KCNC2: variants seen among roughly 807,000 people sequenced by gnomAD.
The protein encoded by KCNC2 is potassium voltage-gated channel subfamily C member 2.
Under a neutral mutation model 44.5 loss-of-function variants are expected in KCNC2, and 21 were observed. That is an observed-to-expected ratio of 0.47 (90% CI 0.33 to 0.68). The LOEUF is 0.68. Among genes scored for constraint, KCNC2 ranks in the 30% least tolerant of loss-of-function variants. The probability of loss-of-function intolerance (pLI) is 0.01; values close to 1 mark genes in which losing one functional copy is unlikely to be tolerated. For synonymous variants in KCNC2, 391 were observed against 339.1 expected, an observed-to-expected ratio of 1.15 and a Z score of -1.68; for missense variants, 589 against 826.2, an observed-to-expected ratio of 0.71 and a Z score of 3.52.
At chr12:75,067,930 C>T (rs1402817677) in intron 2 of KCNC2, among the ~76,000 whole-genome samples, 1 of 151,852 alleles carries the variant, frequency 6.6e-6, no homozygotes, top group Non-Finnish European at 1.5e-5. Context: ...GTAGAAGTCC[C>T]CTTATAAAAC....
chr12:75,187,217 G>A (rs1893013977), intron 2 of KCNC2, among the ~76,000 whole-genome samples: 1 of 152,134 alleles, frequency 6.6e-6, no homozygotes, highest in Non-Finnish European at 1.5e-5. Flanking sequence ...TACAAGTGGA[G>A]GTAGTGTGTG....
intron 2 of KCNC2, among the ~76,000 whole-genome samples, chr12:75,058,758 T>G (rs6582272): frequency 0.88 from 134,200 of 151,912 alleles, 59,432 homozygotes; most frequent in Admixed American, 0.91. Context: ...CTTGCTGTCC[T>G]TATTCTCCTT....
intron 2 of KCNC2, among the ~76,000 whole-genome samples, chr12:75,109,165 G>A (rs1887025035): frequency 6.6e-6 from 1 of 152,122 alleles, no homozygotes; most frequent in Non-Finnish European, 1.5e-5. Context: ...GATACTGCTT[G>A]TTACATAGGA....
At chr12:75,165,281 T>C in intron 2 of KCNC2, among the ~76,000 whole-genome samples, 1 of 151,712 alleles carries the variant, frequency 6.6e-6, no homozygotes, top group Middle Eastern at 3.4e-3. Context: ...AATTAGATAT[T>C]GTAAACAGAC....
intron 2 of KCNC2, among the ~76,000 whole-genome samples, chr12:75,169,182 A>T (rs1891650659): frequency 6.6e-6 from 1 of 151,560 alleles, no homozygotes; most frequent in African/African-American, 2.4e-5. Flanking sequence ...GCTAGTTGAG[A>T]TTGCCTTTGT....
At chr12:75,182,293 G>C (rs546299454) in intron 2 of KCNC2, among the ~76,000 whole-genome samples, 2 of 151,728 alleles carry the variant, frequency 1.3e-5, no homozygotes, top group African/African-American at 2.4e-5. Context: ...GGGAGGCCGA[G>C]GGGGGCAGAT....
Position 75,051,083 on chromosome 12 carries a change from G to A in KCNC2, c.922C>T (p.Leu308Phe), listed in dbSNP as rs1881115106. The A allele has an allele frequency of 6.2e-7, 1 of 1,613,502 alleles. No homozygotes were observed. The highest frequency in any genetic ancestry group is 1.3e-5 in the African/African-American group (1 of 74,876). ...TTCAAGAGATTTTTGATGAATTCAA[G>A]TTTATTGGGTGAAAAAACAATACGG... ...LVRIVFSPNKLEFIKNLLNII... is the reference protein window; with the variant it reads ...LVRIVFSPNKFEFIKNLLNII... The change falls in exon 3 of 5, where the codon CTT (leucine) becomes TTT (phenylalanine). Residue 308 changes from leucine (L) to phenylalanine (F), a missense_variant. Physicochemically the swap from Leu to Phe is conservative, Grantham distance 22 (BLOSUM62 0). Around this residue, in one of 7 missense-constraint regions of KCNC2, gnomAD observed 67 missense variants for 237.4 expected, o/e 0.28. Transcript: ENST00000549446.
chr12:75,087,668 C>A (rs1242825894), intron 2 of KCNC2, among the ~76,000 whole-genome samples: 1 of 151,980 alleles, frequency 6.6e-6, no homozygotes, highest in South Asian at 2.1e-4. Flanking sequence ...GCCTACACTG[C>A]TAGTTAATTT....
At chr12:75,191,042 C>T (rs1267846150) in intron 2 of KCNC2, among the ~76,000 whole-genome samples, 1 of 152,078 alleles carries the variant, frequency 6.6e-6, no homozygotes, top group Non-Finnish European at 1.5e-5. Context: ...GTAGCTTACT[C>T]ATATGCCATC....
intron 2 of KCNC2, among the ~76,000 whole-genome samples, chr12:75,135,239 C>T (rs377699318): frequency 6.7e-6 from 1 of 150,352 alleles, no homozygotes; most frequent in Non-Finnish European, 1.5e-5. Flanking sequence ...GTGCTTGTTT[C>T]TGGCAAAAAT....
At chr12:75,208,687 T>A (rs1294523013) in intron 1 of KCNC2, among the ~76,000 whole-genome samples, 1 of 149,748 alleles carries the variant, frequency 6.7e-6, no homozygotes, top group African/African-American at 2.5e-5. Flanking sequence ...TGTTCTAGGA[T>A]CACCTCTACA....
intron 2 of KCNC2, among the ~76,000 whole-genome samples, chr12:75,200,181 T>C (rs1015247312): frequency 3.3e-5 from 5 of 151,848 alleles, no homozygotes; most frequent in Admixed American, 3.3e-4. Context: ...ACAGCTAAAA[T>C]TTGTGCATTT....
At chr12:75,181,532 A>G (rs1463863094) in intron 2 of KCNC2, among the ~76,000 whole-genome samples, 1 of 152,198 alleles carries the variant, frequency 6.6e-6, no homozygotes, top group African/African-American at 2.4e-5. Flanking sequence ...CCTAATGGAC[A>G]GTGTCTACTG....
At chr12:75,136,007 C>T (rs1420108318) in intron 2 of KCNC2, among the ~76,000 whole-genome samples, 1 of 151,978 alleles carries the variant, frequency 6.6e-6, no homozygotes, top group Non-Finnish European at 1.5e-5. Context: ...AATTTCCCTC[C>T]ACCTAAGACA....
chr12:75,171,620 A>C (rs1458994114), intron 2 of KCNC2, among the ~76,000 whole-genome samples: 1 of 151,848 alleles, frequency 6.6e-6, no homozygotes. Flanking sequence ...TGGATATCAG[A>C]GGCTAGTGGG....
At chr12:75,182,441 T>G (rs1024420336) in intron 2 of KCNC2, among the ~76,000 whole-genome samples, 2 of 144,586 alleles carry the variant, frequency 1.4e-5, no homozygotes, top group African/African-American at 5.2e-5. Context: ...GAGAATGGCG[T>G]GAACCTGGGA....
chr12:75,086,069 A>G (rs1025429596), intron 2 of KCNC2, among the ~76,000 whole-genome samples: 1 of 151,996 alleles, frequency 6.6e-6, no homozygotes, highest in African/African-American at 2.4e-5. Context: ...ATATGTTTTC[A>G]CTCATACTAT....
intron 2 of KCNC2, among the ~76,000 whole-genome samples, chr12:75,065,417 C>G (rs1882734552): frequency 6.6e-6 from 1 of 151,960 alleles, no homozygotes; most frequent in African/African-American, 2.4e-5. Context: ...TGATTTTTAA[C>G]TTAGAGTTAA....
chr12:75,201,441 G>C (rs2031269962), intron 2 of KCNC2, among the ~76,000 whole-genome samples: 1 of 151,634 alleles, frequency 6.6e-6, no homozygotes, highest in East Asian at 1.9e-4. Context: ...CTGAAGTTTA[G>C]ATACTATCTA....
Sources: gnomAD v4.1 joint callset for allele counts (sites outside exome capture counted in the v4.1 genomes callset) on GRCh38, gnomAD v4.1.1 for gene constraint, gnomAD v4.1.1 regional missense constraint, MANE v1.5 for transcripts, NCBI Gene and HGNC (gene_info 2026-07-23, HGNC 2026-07-21) for gene names.